The following MUC22 variants were observed in gnomAD, a reference collection of about 807,000 sequenced individuals.
MUC22 encodes mucin-22.
Under a neutral mutation model 40.3 loss-of-function variants are expected in MUC22, and 24 were observed. The observed-to-expected ratio is 0.60, with a 90% confidence interval of 0.43 to 0.84. The LOEUF (loss-of-function observed/expected upper bound fraction) is 0.84, where lower values mean the gene tolerates loss of function less well. Ranked by LOEUF, MUC22 falls within the 40% of genes least tolerant of loss-of-function variation. MUC22 has a pLI of 0.00. For missense variants in MUC22, 1,926 were observed against 2,130.7 expected (o/e 0.90, Z 1.89); for synonymous variants, 765 against 844.5 (o/e 0.91, Z 1.63).
At position 31,021,026 on chromosome 6, in the gene MUC22, G is replaced by C. The variant is rs571771216; in HGVS notation, c.71-4476G>C. Among the ~76,000 whole-genome samples, 210 of 103,410 alleles carry C rather than the reference G, an allele frequency of 2.0e-3. 1 individual carries two copies. Among genetic ancestry groups the C allele is most frequent in the African/African-American group, 7.0e-3 (188 of 26,852 alleles). 67.8% of individuals were successfully genotyped at this position (103,410 alleles called of 152,430 possible). On this transcript the variant is annotated intron_variant, in intron 1 of 3. Transcript: ENST00000561890. Reference sequence around the variant, plus strand: ...CCACCCCCTCCATGGGCTTCTGTGCGGCCGGAGCCTCCCCGATGAGCGCCG... The same window carrying C: ...CCACCCCCTCCATGGGCTTCTGTGCCGCCGGAGCCTCCCCGATGAGCGCCG...
chr6:31,033,530 A>G (rs1358419942), intron 3 of MUC22, among the ~76,000 whole-genome samples: 2 of 152,178 alleles, frequency 1.3e-5, no homozygotes, highest in Non-Finnish European at 2.9e-5. Context: ...TTTTTCTTAC[A>G]TCGATTTCAC....
chr6:31,019,712 G>T (rs1764529566), intron 1 of MUC22, among the ~76,000 whole-genome samples: 1 of 152,216 alleles, frequency 6.6e-6, no homozygotes, highest in Non-Finnish European at 1.5e-5. Context: ...AAATTAGCTG[G>T]GTGTGGTAGC....
chr6:31,027,781 G>A (rs1191427207), exon 2 of MUC22: 13 of 1,531,860 alleles, frequency 8.5e-6, no homozygotes, highest in Non-Finnish European at 1.0e-5. Context: ...TGAAGGCTCT[G>A]AGAACACTAC....
At chr6:31,022,472 A>G (rs916270321) in intron 1 of MUC22, among the ~76,000 whole-genome samples, 13 of 152,200 alleles carry the variant, frequency 8.5e-5, no homozygotes, top group Non-Finnish European at 1.6e-4. Context: ...TTTTTTTTAA[A>G]TGTAAAAGTT....
chr6:31,022,612 TATG>T (rs1764950563), intron 1 of MUC22, among the ~76,000 whole-genome samples: 1 of 152,046 alleles, frequency 6.6e-6, no homozygotes, highest in African/African-American at 2.4e-5. Flanking sequence ...AATAATGAAT[TATG>T]AGGCTTATAT....
chr6:31,020,669 C>G (rs1764619013), intron 1 of MUC22, among the ~76,000 whole-genome samples: 1 of 152,168 alleles, frequency 6.6e-6, no homozygotes, highest in Non-Finnish European at 1.5e-5. Context: ...GAGTCCCTTT[C>G]TGGGCTGGCC....
chr6:31,015,434 G>A (rs1235565832), intron 1 of MUC22, among the ~76,000 whole-genome samples: 3 of 152,196 alleles, frequency 2.0e-5, no homozygotes, highest in African/African-American at 7.2e-5. Flanking sequence ...AGGGGCCTCT[G>A]ACTAGGGCTT....
At chr6:31,031,885 C>T (rs1442587831) in intron 2 of MUC22, among the ~76,000 whole-genome samples, 1 of 152,090 alleles carries the variant, frequency 6.6e-6, no homozygotes, top group Non-Finnish European at 1.5e-5. Context: ...TTTGGGTGGC[C>T]ACTTCTGAAG....
chr6:31,028,196 G>C (rs927726848), exon 2 of MUC22: 7 of 1,533,438 alleles, frequency 4.6e-6, no homozygotes, highest in Non-Finnish European at 5.2e-6. Flanking sequence ...TCTACTGAAG[G>C]CTCTGAGACC....
At chr6:31,026,840 C>G (rs115767504) in exon 2 of MUC22, 25,782 of 1,492,532 alleles carry the variant, frequency 0.017, 3,019 homozygotes, top group Admixed American at 0.046. Flanking sequence ...ACAACAGCCT[C>G]TACTGCACAT....
chr6:31,027,592 G>A (rs866298867), exon 2 of MUC22: 10 of 1,522,304 alleles, frequency 6.6e-6, no homozygotes, highest in South Asian at 2.4e-5. Context: ...AGTCACTACC[G>A]CAGGCTCTGA....
chr6:31,018,725 T>C (rs1764452506), intron 1 of MUC22, among the ~76,000 whole-genome samples: 1 of 152,286 alleles, frequency 6.6e-6, no homozygotes, highest in Non-Finnish European at 1.5e-5. Flanking sequence ...TGTCTCTGAA[T>C]CCAATGGACA....
exon 2 of MUC22, chr6:31,028,163 C>T: frequency 6.5e-7 from 1 of 1,533,826 alleles, no homozygotes; most frequent in South Asian, 1.2e-5. Context: ...GTCTCTACCA[C>T]AGGCTCTGAG....
intron 1 of MUC22, among the ~76,000 whole-genome samples, chr6:31,019,334 C>A (rs1282004410): frequency 6.6e-6 from 1 of 152,222 alleles, no homozygotes; most frequent in Non-Finnish European, 1.5e-5. Context: ...ATCTCCCCTG[C>A]TACCATCCTA....
At chr6:31,016,627 T>G (rs3869096) in intron 1 of MUC22, among the ~76,000 whole-genome samples, 17,196 of 152,226 alleles carry the variant, frequency 0.11, 1,262 homozygotes, top group East Asian at 0.33. Flanking sequence ...TTTTGAGAGG[T>G]GACAGGGTGC....
exon 2 of MUC22, chr6:31,029,845 G>A: frequency 6.5e-7 from 1 of 1,533,838 alleles, no homozygotes; most frequent in Non-Finnish European, 8.7e-7. Flanking sequence ...CTGTACCACA[G>A]GTTCTGAGAC....
chr6:31,029,564 T>A (rs1324016428), exon 2 of MUC22: 4 of 1,521,626 alleles, frequency 2.6e-6, no homozygotes, highest in Admixed American at 4.0e-5. Flanking sequence ...GCCACTACAG[T>A]TTCTACCACT....
chr6:31,007,689 G>A (rs1233909861), upstream of MUC22, among the ~76,000 whole-genome samples: 1 of 152,142 alleles, frequency 6.6e-6, no homozygotes, highest in Non-Finnish European at 1.5e-5. The surrounding 1 kb of genome is among the most constrained non-coding windows in gnomAD (Gnocchi z 4.0). Flanking sequence ...TCTATGCTAT[G>A]TTTATAAATT....
exon 2 of MUC22, chr6:31,026,139 G>A: frequency 6.5e-7 from 1 of 1,532,170 alleles, no homozygotes; most frequent in Non-Finnish European, 8.7e-7. Context: ...CAGGCTCTGA[G>A]GCCACCACAA....
Sources: gnomAD v4.1 joint callset for allele counts (sites outside exome capture counted in the v4.1 genomes callset) on GRCh38, gnomAD v4.1.1 for gene constraint, Gnocchi (gnomAD v3.1) non-coding constraint, MANE v1.5 for transcripts, NCBI Gene and HGNC (gene_info 2026-07-23, HGNC 2026-07-21) for gene names.